SYPL1: variants seen among roughly 807,000 people sequenced by gnomAD.
SYPL1 encodes the protein synaptophysin-like protein 1.
Under a neutral mutation model 23.7 loss-of-function variants are expected in SYPL1, and 6 were observed. The ratio of observed to expected loss-of-function variants is 0.25; its 90% confidence interval spans 0.14 to 0.50. SYPL1 has a LOEUF of 0.50. Ranked by LOEUF, SYPL1 falls within the 20% of genes least tolerant of loss-of-function variation. The probability of loss-of-function intolerance (pLI) is 0.98; values close to 1 mark genes in which losing one functional copy is unlikely to be tolerated. For missense variants in SYPL1, 253 were observed against 288.9 expected (o/e 0.88, Z 0.90); for synonymous variants, 102 against 104.5 (o/e 0.98, Z 0.15).
chr7:106,094,252 A>G (rs1428179594), intron 3 of SYPL1, among the ~76,000 whole-genome samples: 1 of 152,018 alleles, frequency 6.6e-6, no homozygotes, highest in Non-Finnish European at 1.5e-5. Flanking sequence ...GTTGGTGCAA[A>G]AGTTATTATG....
chr7:106,108,689 T>C (rs2039688689), intron 1 of SYPL1, among the ~76,000 whole-genome samples: 2 of 152,212 alleles, frequency 1.3e-5, no homozygotes, highest in African/African-American at 4.8e-5. Flanking sequence ...TAAATCCAGA[T>C]AGTTGGTTGA....
At chr7:106,105,824 T>C (rs1210389100) in intron 1 of SYPL1, among the ~76,000 whole-genome samples, 1 of 152,170 alleles carries the variant, frequency 6.6e-6, no homozygotes, top group Non-Finnish European at 1.5e-5. Flanking sequence ...CATCTATTCT[T>C]TCACTTTTAG....
chr7:106,099,644 T>C (rs947022153), intron 1 of SYPL1, among the ~76,000 whole-genome samples: 1 of 152,172 alleles, frequency 6.6e-6, no homozygotes, highest in Non-Finnish European at 1.5e-5. Context: ...TCCTCCCATC[T>C]TGGCCTCCCA....
intron 1 of SYPL1, among the ~76,000 whole-genome samples, chr7:106,101,457 C>A (rs1190452381): frequency 2.2e-3 from 62 of 27,880 alleles, no homozygotes; most frequent in Admixed American, 0.016. Context: ...CCCCCCCCCC[C>A]CCCCCCCCCC....
In SYPL1 at chr7:106,100,824, C is replaced by T. The variant is rs959690815; in HGVS notation, c.70-1542G>A. 1.4e-4 allele frequency among the ~76,000 whole-genome samples: 21 copies of T among 152,178 alleles called. No individual in the cohort carries two copies. Among genetic ancestry groups the T allele is most frequent in the African/African-American group, 4.8e-4 (20 of 41,452 alleles). ...AAAATGTTATCCTTTGCTCAAAACC[C>T]TCCAATGGCTTTTGAGCTCTCTATG... On this transcript the variant is annotated intron_variant, in intron 1 of 4. Coordinates refer to ENST00000455385, the MANE Select transcript of SYPL1 (RefSeq NM_182715.4). This position sits in a 1 kb window ranked among gnomAD's most constrained non-coding sequence, Gnocchi z 5.1.
At position 106,091,908 on chromosome 7, in the gene SYPL1, C is replaced by T. The variant is rs1839749311; in HGVS notation, c.623G>A (p.Gly208Glu). Residue 208 changes from glycine to glutamate, a missense_variant, in exon 5 of 5, where the codon GGA becomes GAA. By Grantham distance (98) the Gly-to-Glu change is moderately conservative. Transcript: ENST00000455385. This position sits in a 1 kb window ranked among gnomAD's most constrained non-coding sequence, Gnocchi z 5.0. ...CTTGTACACAAACCAAGCATTTCCT[C>T]CCCAGAGTATCATATTTAGAAAGCC... Reference protein sequence around the residue: ...IFGFLNMILWGGNAWFVYKET... With the variant: ...IFGFLNMILWEGNAWFVYKET... 1 of 1,613,050 alleles carries T rather than the reference C, an allele frequency of 6.2e-7. No homozygotes were observed. Among genetic ancestry groups the T allele is most frequent in the Non-Finnish European group, 8.5e-7 (1 of 1,179,616 alleles).
chr7:106,102,028 G>T (rs1213943876), intron 1 of SYPL1, among the ~76,000 whole-genome samples: 1 of 151,928 alleles, frequency 6.6e-6, no homozygotes, highest in African/African-American at 2.4e-5. Flanking sequence ...TGCTTCTACA[G>T]AATAGAATAT....
Position 106,112,226 on chromosome 7 carries a change from G to C in SYPL1, c.-18C>G, listed in dbSNP as rs1170331593. The C allele has an allele frequency of 3.3e-6, 5 of 1,533,924 alleles. No individual in the cohort carries two copies. In the African/African-American group the frequency reaches 7.1e-5, roughly 22 times the overall value. ...CCGGACATCCTCTGAGGAAAGGAGG[G>C]AGAGAGAGTCAGGACGACGGGGCGG... On this transcript the variant is annotated 5_prime_UTR_variant, in exon 1 of 5. Coordinates refer to ENST00000455385, the MANE Select transcript of SYPL1 (RefSeq NM_182715.4).
rs1320155461 is a variant in SYPL1, at chr7:106,109,039, A to C, written c.69+3101T>G. 1.3e-5 allele frequency among the ~76,000 whole-genome samples: 2 copies of C among 152,220 alleles called. No individual in the cohort carries two copies. The highest frequency in any genetic ancestry group is 2.9e-5 in the Non-Finnish European group (2 of 68,042). On this transcript the variant is annotated intron_variant, in intron 1 of 4. Transcript: ENST00000455385. This position sits in a 1 kb window ranked among gnomAD's most constrained non-coding sequence, Gnocchi z 4.3. Reference sequence around the variant, plus strand: ...CTTGCAGTTAAAAACAAAAAACCAAAAACAAAAAAGAACAAAAAACCCCCA... The same window carrying C: ...CTTGCAGTTAAAAACAAAAAACCAACAACAAAAAAGAACAAAAAACCCCCA...
At chr7:106,108,623 G>T (rs953326349) in intron 1 of SYPL1, among the ~76,000 whole-genome samples, 1 of 152,132 alleles carries the variant, frequency 6.6e-6, no homozygotes, top group Non-Finnish European at 1.5e-5. Context: ...GGTCTTGAGA[G>T]GCTATATATA....
Position 106,092,687 on chromosome 7 carries a change from A to AG in SYPL1, c.591+261_591+262insC, listed in dbSNP as rs201565113. ...AACTCCATCTCAAAAAAAAAAAAAA[A>AG]AAAAGAAATTAATCTTCCCAGATAT... is the stretch of plus-strand genomic sequence containing the variant. On this transcript the variant is annotated intron_variant, in intron 4 of 4. Coordinates refer to ENST00000455385, the MANE Select transcript of SYPL1 (RefSeq NM_182715.4). 3,073 of 513,616 alleles carry AG rather than the reference A, an allele frequency of 6.0e-3. 85 individuals carry two copies. Among genetic ancestry groups the AG allele is most frequent in the African/African-American group, 0.057 (2,842 of 49,688 alleles). The allele number at this position is 513,616 out of a possible 1,614,324, so 31.8% of individuals were successfully genotyped here. A position where few individuals can be genotyped will look rare whatever the true frequency, so the allele number is the denominator to read the frequency against.
Position 106,097,782 on chromosome 7 carries a change from C to G in SYPL1, c.310G>C (p.Ala104Pro). The G allele has an allele frequency of 2.5e-6, 4 of 1,614,000 alleles. No homozygotes were observed. Among genetic ancestry groups the G allele is most frequent in the Non-Finnish European group, 3.4e-6 (4 of 1,179,944 alleles). Reference sequence around the variant, plus strand: ...ATGCAGTACAGGAACACAAAGACTGCAAAGGTAACATAGAATTGTGCAGAA... The same window carrying G: ...ATGCAGTACAGGAACACAAAGACTGGAAAGGTAACATAGAATTGTGCAGAA... ...SSSAQFYVTF[A>P]VFVFLYCIAA... The change falls in exon 3 of 5, where the codon GCA becomes CCA. Residue 104 changes from alanine (A) to proline (P), a missense_variant. Physicochemically the swap from Ala to Pro is conservative, Grantham distance 27 (BLOSUM62 -1). Transcript: ENST00000455385. The surrounding 1 kb of genome is among the most constrained non-coding windows in gnomAD (Gnocchi z 4.6).
At chr7:106,106,142 T>C (rs924835811) in intron 1 of SYPL1, among the ~76,000 whole-genome samples, 2 of 152,206 alleles carry the variant, frequency 1.3e-5, no homozygotes, top group African/African-American at 4.8e-5. Context: ...AAATTTGCAC[T>C]GAGTATATAA....
chr7:106,111,344 G>A (rs1024848912), intron 1 of SYPL1, among the ~76,000 whole-genome samples: 1 of 152,232 alleles, frequency 6.6e-6, no homozygotes, highest in African/African-American at 2.4e-5. Flanking sequence ...CGCGAAGTTT[G>A]AAGGAAGCCC....
chr7:106,112,368 G>GGGGCGGA, upstream of SYPL1: 1 of 1,286,854 alleles, frequency 7.8e-7, no homozygotes. Flanking sequence ...GGGGCGGAGC[G>GGGGCGGA]GCGGCGGTTG....
At chr7:106,094,756 T>G (rs1201169953) in intron 3 of SYPL1, among the ~76,000 whole-genome samples, 1 of 152,206 alleles carries the variant, frequency 6.6e-6, no homozygotes, top group Non-Finnish European at 1.5e-5. Flanking sequence ...CTCCTAATTT[T>G]CAGGTATTTT....
chr7:106,107,742 C>CAAAAA (rs10622990), intron 1 of SYPL1, among the ~76,000 whole-genome samples: 3 of 79,340 alleles, frequency 3.8e-5, no homozygotes, highest in African/African-American at 1.2e-4. Flanking sequence ...ACTCCGTCTC[C>CAAAAA]AAAAAAAAAA....
Position 106,091,744 on chromosome 7 carries a change from A to G in SYPL1, c.*61T>C. 2.0e-6 allele frequency: 3 copies of G among 1,518,608 alleles called. No individual in the cohort carries two copies. Among genetic ancestry groups the G allele is most frequent in the Non-Finnish European group, 2.7e-6 (3 of 1,129,868 alleles). 94.1% of individuals were successfully genotyped at this position (1,518,608 alleles called of 1,614,324 possible). ...TATTAGAAACAAATAATGCTTCTCA[A>G]GGTGTTGGCAACATGTCATAGTATC... On this transcript the variant is annotated 3_prime_UTR_variant, in exon 5 of 5. Coordinates refer to ENST00000455385, the MANE Select transcript of SYPL1 (RefSeq NM_182715.4). This position sits in a 1 kb window ranked among gnomAD's most constrained non-coding sequence, Gnocchi z 5.0.
upstream of SYPL1, chr7:106,112,319 C>A: frequency 8.8e-7 from 1 of 1,131,672 alleles, no homozygotes; most frequent in Non-Finnish European, 1.1e-6. Flanking sequence ...GCGCGCTGGC[C>A]GGGCTCGGAG....
Sources: gnomAD v4.1 joint callset for allele counts (sites outside exome capture counted in the v4.1 genomes callset) on GRCh38, gnomAD v4.1.1 for gene constraint, Gnocchi (gnomAD v3.1) non-coding constraint, MANE v1.5 for transcripts, NCBI Gene and HGNC (gene_info 2026-07-23, HGNC 2026-07-21) for gene names.